FAM13A: variants seen among roughly 807,000 people sequenced by gnomAD.
The protein encoded by FAM13A is family with sequence similarity 13 member A.
FAM13A carries 76 observed loss-of-function variants against 129.6 expected under a neutral mutation model. The ratio of observed to expected loss-of-function variants is 0.59; its 90% CI spans 0.49 to 0.71. The LOEUF (loss-of-function observed/expected upper bound fraction) is 0.71. Ranked by LOEUF, FAM13A falls within the 30% of genes least tolerant of loss-of-function variation. The pLI is 0.00. For missense variants in FAM13A, 1,108 were observed against 1,249.3 expected, an observed-to-expected ratio of 0.89 and a Z score of 1.70; for synonymous variants, 443 against 449.9, an observed-to-expected ratio of 0.98 and a Z score of 0.20.
At chr4:88,753,808 ACTAG>A (rs1743113074) in intron 14 of FAM13A, 1 of 155,768 alleles carries the variant, frequency 6.4e-6, no homozygotes, top group Non-Finnish European at 1.4e-5. Flanking sequence ...TTGGCACTCA[ACTAG>A]AACAATAACA....
At chr4:89,028,676 G>C (rs933890217) in intron 2 of FAM13A, among the ~76,000 whole-genome samples, 4 of 151,386 alleles carry the variant, frequency 2.6e-5, no homozygotes, top group Non-Finnish European at 5.9e-5. Flanking sequence ...GGGTAACAGA[G>C]CAAGACCCTA....
intron 5 of FAM13A, among the ~76,000 whole-genome samples, chr4:88,907,681 G>A (rs1561304122): frequency 6.6e-6 from 1 of 152,152 alleles, no homozygotes; most frequent in Non-Finnish European, 1.5e-5. Context: ...GCTTACAGAA[G>A]TTAAGTAAAC....
At chr4:89,051,145 A>T (rs1771542756) in intron 1 of FAM13A, among the ~76,000 whole-genome samples, 2 of 152,226 alleles carry the variant, frequency 1.3e-5, no homozygotes. Context: ...AAAATACCAT[A>T]AACTGGATGT....
At chr4:89,030,152 T>C (rs915220465) in intron 1 of FAM13A, among the ~76,000 whole-genome samples, 1 of 152,166 alleles carries the variant, frequency 6.6e-6, no homozygotes, top group Non-Finnish European at 1.5e-5. Flanking sequence ...TGATTACATC[T>C]GTAAATATCT....
At chr4:88,731,841 T>C (rs1737881635) in intron 22 of FAM13A, 161 bp downstream of exon 22, 1 of 621,898 alleles carries the variant, frequency 1.6e-6, no homozygotes, top group Admixed American at 3.3e-5. Flanking sequence ...CTGAAGCATA[T>C]AAAAAAAGAA....
chr4:88,799,693 C>T (rs1727024303), intron 8 of FAM13A, among the ~76,000 whole-genome samples: 1 of 152,140 alleles, frequency 6.6e-6, no homozygotes, highest in African/African-American at 2.4e-5. Flanking sequence ...CCATATTGTC[C>T]ACGATGGTCT....
intron 1 of FAM13A, among the ~76,000 whole-genome samples, chr4:89,040,640 C>T (rs1047904393): frequency 2.0e-5 from 3 of 152,204 alleles, no homozygotes; most frequent in Non-Finnish European, 2.9e-5. Flanking sequence ...TATAGTCTCA[C>T]TGGGAATGTC....
intron 1 of FAM13A, among the ~76,000 whole-genome samples, chr4:89,054,318 C>T (rs191018884): frequency 6.7e-6 from 1 of 148,908 alleles, no homozygotes; most frequent in Non-Finnish European, 1.5e-5. Context: ...CACACACACA[C>T]GTACGTACTA....
chr4:88,946,621 T>C (rs1305675210), intron 4 of FAM13A, among the ~76,000 whole-genome samples: 4 of 152,110 alleles, frequency 2.6e-5, no homozygotes, highest in African/African-American at 4.8e-5. Flanking sequence ...ATGCTGGGTA[T>C]TGGAGAGATT....
intron 5 of FAM13A, among the ~76,000 whole-genome samples, chr4:88,914,757 T>C (rs956772400): frequency 1.3e-5 from 2 of 152,256 alleles, no homozygotes; most frequent in African/African-American, 2.4e-5. Context: ...TAAACATATT[T>C]GATCAGTGTA....
chr4:88,961,178 AAAAC>A (rs1758543221), intron 4 of FAM13A, among the ~76,000 whole-genome samples: 1 of 152,114 alleles, frequency 6.6e-6, no homozygotes, highest in Non-Finnish European at 1.5e-5. Flanking sequence ...TTGAAATGGA[AAAAC>A]AAACAACACA....
chr4:88,851,934 T>TA (rs1393975073), intron 6 of FAM13A, among the ~76,000 whole-genome samples: 2 of 152,160 alleles, frequency 1.3e-5, no homozygotes, highest in Admixed American at 6.5e-5. Flanking sequence ...CTTTAAAATG[T>TA]AAAAAATATT....
At chr4:88,773,388 C>T (rs530554360) in intron 11 of FAM13A, among the ~76,000 whole-genome samples, 2 of 152,168 alleles carry the variant, frequency 1.3e-5, no homozygotes, top group Non-Finnish European at 2.9e-5. Context: ...CAGGCTCTTC[C>T]TGCCTCTTCC....
At chr4:88,799,638 C>T (rs1333551325) in intron 8 of FAM13A, among the ~76,000 whole-genome samples, 1 of 152,202 alleles carries the variant, frequency 6.6e-6, no homozygotes, top group African/African-American at 2.4e-5. Flanking sequence ...ATGCACGCCA[C>T]CATGCACGGC....
At chr4:88,996,766 C>G (rs772584023) in intron 3 of FAM13A, among the ~76,000 whole-genome samples, 2 of 151,812 alleles carry the variant, frequency 1.3e-5, no homozygotes, top group Non-Finnish European at 2.9e-5. Context: ...AAAAAAAAAT[C>G]TATAAACTGG....
chr4:88,859,358 C>T (rs1161810345), intron 6 of FAM13A, among the ~76,000 whole-genome samples: 1 of 152,072 alleles, frequency 6.6e-6, no homozygotes, highest in Non-Finnish European at 1.5e-5. Context: ...GGGATGGAAT[C>T]ATGCACACAG....
chr4:88,892,496 G>A (rs965012609), intron 6 of FAM13A, among the ~76,000 whole-genome samples: 2 of 152,072 alleles, frequency 1.3e-5, no homozygotes, highest in African/African-American at 4.8e-5. Flanking sequence ...CTAAAAGAAA[G>A]AAACAACAAC....
At chr4:88,983,770 GACTA>G (rs777018017) in intron 4 of FAM13A, among the ~76,000 whole-genome samples, 1 of 152,046 alleles carries the variant, frequency 6.6e-6, no homozygotes, top group Admixed American at 6.6e-5. Flanking sequence ...TCAAAATATT[GACTA>G]ACTTTTTTGT....
intron 7 of FAM13A, among the ~76,000 whole-genome samples, chr4:88,843,254 G>A (rs72872152): frequency 0.07 from 10,680 of 152,230 alleles, 531 homozygotes; most frequent in African/African-American, 0.14. Context: ...ATGCTGAAGC[G>A]CACGCTGTGC....
Sources: gnomAD v4.1 joint callset for allele counts (sites outside exome capture counted in the v4.1 genomes callset) on GRCh38, gnomAD v4.1.1 for gene constraint, MANE v1.5 for transcripts, NCBI Gene and HGNC (gene_info 2026-07-23, HGNC 2026-07-21) for gene names.